Variants in WDR41 observed in about 807,000 individuals in gnomAD.
The protein encoded by WDR41 is WD repeat-containing protein 41.
Under a neutral mutation model 69.3 loss-of-function variants are expected in WDR41, and 63 were observed. The observed-to-expected ratio is 0.91, with a 90% confidence interval of 0.74 to 1.12. The LOEUF is 1.12. WDR41 is among the 50% of genes most tolerant of loss of function. The probability of loss-of-function intolerance (pLI) is 0.00; values close to 1 mark genes in which losing one functional copy is unlikely to be tolerated. For missense variants in WDR41, 543 were observed against 534.5 expected, an observed-to-expected ratio of 1.02 and a Z score of -0.16; for synonymous variants, 185 against 192.1, an observed-to-expected ratio of 0.96 and a Z score of 0.31.
At chr5:77,467,564 GA>G (rs1428964954) in intron 2 of WDR41, among the ~76,000 whole-genome samples, 1 of 151,770 alleles carries the variant, frequency 6.6e-6, no homozygotes, top group Non-Finnish European at 1.5e-5. Flanking sequence ...TGTCAAAATA[GA>G]AAAAAATATG....
At chr5:77,610,761 C>A (rs539209985) in intron 1 of WDR41, among the ~76,000 whole-genome samples, 12 of 152,098 alleles carry the variant, frequency 7.9e-5, no homozygotes, top group Admixed American at 5.9e-4. Flanking sequence ...CGAGCAAAAT[C>A]ACCAGCTAAC....
At chr5:77,573,603 G>T (rs1295602458) in intron 1 of WDR41, among the ~76,000 whole-genome samples, 1 of 152,130 alleles carries the variant, frequency 6.6e-6, no homozygotes, top group Non-Finnish European at 1.5e-5. Flanking sequence ...TCTGCTTGCA[G>T]CCACGGAATT....
At chr5:77,496,014 T>G (rs1237586346), upstream of WDR41, among the ~76,000 whole-genome samples, 1 of 151,964 alleles carries the variant, frequency 6.6e-6, no homozygotes, top group African/African-American at 2.4e-5. Context: ...CAAAGGAAGA[T>G]AACCACAAGA....
rs181473473 is a variant in WDR41, at chr5:77,532,583, A to G, written c.43-43011T>C. On this transcript the variant is annotated intron_variant, in intron 1 of 5. Coordinates refer to the WDR41 transcript ENST00000509971. ...TCAACAGTAGAATGGATAAGTAAAC[A>G]GTAGGGTAGTTTATAATCACACAGT... is the stretch of plus-strand genomic sequence containing the variant. Among the ~76,000 whole-genome samples the G allele has an allele frequency of 6.0e-4, 92 of 152,254 alleles. 1 individual carries two copies. The highest frequency in any genetic ancestry group is 1.0e-3 in the Admixed American group (16 of 15,262).
chr5:77,546,551 C>T (rs185160453), intron 1 of WDR41, among the ~76,000 whole-genome samples: 9 of 152,194 alleles, frequency 5.9e-5, no homozygotes, highest in African/African-American at 2.2e-4. Flanking sequence ...AAAGATACAA[C>T]CCTCTTAGCT....
chr5:77,585,238 A>G (rs549389331), intron 1 of WDR41, among the ~76,000 whole-genome samples: 369 of 152,326 alleles, frequency 2.4e-3, no homozygotes, highest in African/African-American at 8.5e-3. Context: ...GACATCACTA[A>G]TGATTAGAGA....
At chr5:77,572,107 A>T (rs1003140590) in intron 1 of WDR41, among the ~76,000 whole-genome samples, 1 of 151,616 alleles carries the variant, frequency 6.6e-6, no homozygotes, top group Non-Finnish European at 1.5e-5. Context: ...AAGATAGGCT[A>T]AAAAAAAGGG....
At chr5:77,579,388 C>T (rs1466707809) in intron 1 of WDR41, among the ~76,000 whole-genome samples, 1 of 151,998 alleles carries the variant, frequency 6.6e-6, no homozygotes, top group African/African-American at 2.4e-5. Flanking sequence ...CAGGAGAAAA[C>T]TTTGAAAGTA....
intron 1 of WDR41, among the ~76,000 whole-genome samples, chr5:77,536,764 C>G (rs1025877101): frequency 6.6e-6 from 1 of 152,118 alleles, no homozygotes; most frequent in Non-Finnish European, 1.5e-5. Context: ...ACCGTGTAGC[C>G]TACATGTATA....
intron 5 of WDR41, among the ~76,000 whole-genome samples, chr5:77,458,055 C>T (rs959289049): frequency 2.0e-5 from 3 of 152,100 alleles, no homozygotes; most frequent in Non-Finnish European, 2.9e-5. Flanking sequence ...GGAAACTTAA[C>T]GACCTTAGTT....
At chr5:77,472,301 A>T (rs1372523188) in intron 2 of WDR41, among the ~76,000 whole-genome samples, 1 of 152,132 alleles carries the variant, frequency 6.6e-6, no homozygotes, top group Non-Finnish European at 1.5e-5. Context: ...TCTGTGACAA[A>T]CCCACAGCCA....
At chr5:77,519,474 A>G (rs1219481088) in intron 1 of WDR41, among the ~76,000 whole-genome samples, 2 of 151,882 alleles carry the variant, frequency 1.3e-5, no homozygotes, top group African/African-American at 4.8e-5. Context: ...TTCAAATTTA[A>G]TCTACCCACT....
intron 1 of WDR41, among the ~76,000 whole-genome samples, chr5:77,611,627 G>C (rs1303883634): frequency 6.6e-6 from 1 of 152,258 alleles, no homozygotes; most frequent in Admixed American, 6.5e-5. Context: ...GAATCTCTGG[G>C]ACACATTCAA....
At chr5:77,592,455 C>T (rs1220732440) in intron 1 of WDR41, among the ~76,000 whole-genome samples, 1 of 152,174 alleles carries the variant, frequency 6.6e-6, no homozygotes, top group Admixed American at 6.6e-5. Context: ...TCAAATTTCT[C>T]TGTCTGTGGA....
intron 1 of WDR41, among the ~76,000 whole-genome samples, chr5:77,505,413 GGGTAGGAA>G (rs1461122368): frequency 2.6e-5 from 4 of 152,140 alleles, no homozygotes; most frequent in African/African-American, 9.7e-5. Context: ...CCATGCTCAT[GGGTAGGAA>G]GAATCAATAT....
At chr5:77,522,732 G>A (rs1169304687) in intron 1 of WDR41, among the ~76,000 whole-genome samples, 1 of 152,146 alleles carries the variant, frequency 6.6e-6, no homozygotes, top group East Asian at 1.9e-4. Flanking sequence ...TAAGTCACGA[G>A]TTCTCCAAAG....
intron 3 of WDR41, among the ~76,000 whole-genome samples, chr5:77,463,543 G>GA (rs1181462746): frequency 2.0e-5 from 3 of 151,882 alleles, no homozygotes; most frequent in Middle Eastern, 3.4e-3. Flanking sequence ...TAGTTTGCAG[G>GA]AAAAAAATAT....
chr5:77,556,037 G>T (rs1000412348), intron 1 of WDR41, among the ~76,000 whole-genome samples: 3 of 145,686 alleles, frequency 2.1e-5, no homozygotes, highest in African/African-American at 7.6e-5. Context: ...TGAAAACAGA[G>T]AACCCAGAAC....
intron 1 of WDR41, chr5:77,582,307 A>G: frequency 7.0e-7 from 1 of 1,421,674 alleles, no homozygotes; most frequent in Non-Finnish European, 9.8e-7. Flanking sequence ...GACAATATGC[A>G]TAGATATATA....
Sources: allele counts gnomAD v4.1 joint callset (sites outside exome capture counted in the v4.1 genomes callset), GRCh38; gene constraint gnomAD v4.1.1; transcripts MANE v1.5; gene names NCBI Gene and HGNC (gene_info 2026-07-23, HGNC 2026-07-21).